UBR4: variants seen among roughly 807,000 people sequenced by gnomAD.
UBR4 encodes the protein E3 ubiquitin-protein ligase UBR4.
Under a neutral mutation model 575.6 loss-of-function variants are expected in UBR4, and 124 were observed. The observed-to-expected ratio is 0.22, with a 90% CI of 0.19 to 0.25. The LOEUF is 0.25. Among genes scored for constraint, UBR4 ranks in the 10% least tolerant of loss-of-function variants. The pLI, the probability that UBR4 is intolerant of heterozygous loss-of-function variation, is 1.00. For synonymous variants in UBR4, 2,455 were observed against 2,473.7 expected (o/e 0.99, Z 0.22); for missense variants, 4,818 against 6,478.8 (o/e 0.74, Z 8.80).
chr1:19,087,764 A>G, intron 99 of UBR4, 52 bp downstream of exon 99: 3 of 1,480,988 alleles, frequency 2.0e-6, no homozygotes, highest in East Asian at 4.7e-5. Flanking sequence ...GCTACCTAGA[A>G]CAAGGGGTCA....
chr1:19,161,206 G>A, intron 37 of UBR4, 59 bp from the exon 38 acceptor site: 5 of 1,501,290 alleles, frequency 3.3e-6, no homozygotes, highest in Middle Eastern at 1.7e-4. Flanking sequence ...AGGAAATACT[G>A]CCTGAGATCT....
rs2091380250 is a variant in UBR4 at position 19,184,971 on chromosome 1, C to T, written c.1938+128G>A. The T allele has an allele frequency of 2.6e-6, 3 of 1,173,924 alleles. No individual in the cohort carries two copies. In the South Asian group the frequency reaches 4.3e-5, roughly 17 times the overall value. 72.7% of individuals were successfully genotyped at this position (1,173,924 alleles called of 1,614,324 possible). A position where few individuals can be genotyped will look rare whatever the true frequency, so the allele number is the denominator to read the frequency against. On this transcript the variant is annotated intron_variant, in intron 15 of 105. Coordinates refer to ENST00000375254, the MANE Select transcript of UBR4 (RefSeq NM_020765.3). Reference sequence around the variant, plus strand: ...TGACACATAATCAAGACATATAAGTCCTAAGCAAAAATATCTTTAAACATT... The same window carrying T: ...TGACACATAATCAAGACATATAAGTTCTAAGCAAAAATATCTTTAAACATT...
rs776476313 is a variant in UBR4 at position 19,099,586 on chromosome 1, C to T, written c.13302+11G>A. 3 of 1,611,678 alleles carry T rather than the reference C, an allele frequency of 1.9e-6. No individual in the cohort carries two copies. The highest frequency in any genetic ancestry group is 2.2e-5 in the East Asian group (1 of 44,862). On this transcript the variant is annotated intron_variant, in intron 90 of 105. Transcript: ENST00000375254. ...GAAACCACACCTCCAAACGAGAAAGCAGGCACATACCTCATTCGTGGTACA... is the reference window on the plus strand; with the variant it reads ...GAAACCACACCTCCAAACGAGAAAGTAGGCACATACCTCATTCGTGGTACA...
Position 19,110,005 on chromosome 1 carries a change from C to T in UBR4, c.12105+91G>A, listed in dbSNP as rs2079662164. 4 of 1,579,216 alleles carry T rather than the reference C, an allele frequency of 2.5e-6. No individual in the cohort carries two copies. The highest frequency in any genetic ancestry group is 2.6e-6 in the Non-Finnish European group (3 of 1,159,688). On this transcript the variant is annotated intron_variant, in intron 81 of 105. Coordinates refer to ENST00000375254, the MANE Select transcript of UBR4 (RefSeq NM_020765.3). This position sits in a 1 kb window ranked among gnomAD's most constrained non-coding sequence, Gnocchi z 4.5. ...CAGGGGAGGTGGGCTCAAGGCAAAG[C>T]GGAGACCATGAGGAGGCAGGGCACA...
chr1:19,116,086 A>T (rs2080494174), intron 73 of UBR4, among the ~76,000 whole-genome samples: 5 of 152,242 alleles, frequency 3.3e-5, no homozygotes, highest in Non-Finnish European at 7.3e-5. Flanking sequence ...ATAAAGAGGA[A>T]GGTATGTAAT....
chr1:19,116,286 T>C (rs2080516751), intron 73 of UBR4, among the ~76,000 whole-genome samples: 1 of 152,236 alleles, frequency 6.6e-6, no homozygotes, highest in Non-Finnish European at 1.5e-5. Flanking sequence ...CACAGAGCTA[T>C]GTAGCAGAGC....
intron 52 of UBR4, 37 bp downstream of exon 52, chr1:19,146,789 C>T: frequency 6.3e-7 from 1 of 1,588,212 alleles, no homozygotes; most frequent in Non-Finnish European, 8.6e-7. Flanking sequence ...GCATATGAAG[C>T]AGATCTCAGG....
chr1:19,170,881 G>A lies in UBR4; in HGVS notation c.3524C>T (p.Ala1175Val), dbSNP rs2089425266. ...LIDTYASFTR[A>V]YLLQNFNEEG... ...TTCATTAAAGTTTTGCAGCAAATAG[G>A]CTCTGGGGAAAAAACAGGGGGAAAG... Residue 1175 changes from alanine to valine, a missense_variant and splice_region_variant, in exon 26 of 106, where the codon GCC becomes GTC. Physicochemically the swap from Ala to Val is moderately conservative, Grantham distance 64 (BLOSUM62 0). Transcript: ENST00000375254. 1 of 1,613,954 alleles carries A rather than the reference G, an allele frequency of 6.2e-7. No homozygotes were observed. The highest frequency in any genetic ancestry group is 1.1e-5 in the South Asian group (1 of 91,076).
chr1:19,192,688 G>A (rs906897142), intron 9 of UBR4, 148 bp from the exon 10 acceptor site: 3 of 821,556 alleles, frequency 3.7e-6, no homozygotes, highest in African/African-American at 3.4e-5. Context: ...ACCTTCACAT[G>A]GAGCTGACTC....
At chr1:19,098,904 T>C (rs994407819) in intron 90 of UBR4, among the ~76,000 whole-genome samples, 3 of 150,452 alleles carry the variant, frequency 2.0e-5, no homozygotes, top group African/African-American at 2.5e-5. Flanking sequence ...CTCCTCCCAA[T>C]AGAAACAAGA....
intron 66 of UBR4, 150 bp downstream of exon 66, chr1:19,122,682 AG>A: frequency 1.2e-6 from 1 of 839,628 alleles, no homozygotes; most frequent in Middle Eastern, 3.4e-4. Context: ...GCACCCAGAC[AG>A]GGGTTATGGA....
rs2084792207 is a variant in UBR4 at position 19,145,903 on chromosome 1, T to G, written c.7835A>C (p.Lys2612Thr). 1 of 1,614,190 alleles carries G rather than the reference T, an allele frequency of 6.2e-7. No homozygotes were observed. The change falls in exon 53 of 106, where the codon AAG becomes ACG. Residue 2612 changes from lysine to threonine, a missense_variant. Lys to Thr is a moderately conservative substitution (Grantham distance 78). Around this residue, in one of 29 missense-constraint regions of UBR4, gnomAD observed 340 missense variants for 375.4 expected, o/e 0.91. Coordinates refer to ENST00000375254, the MANE Select transcript of UBR4 (RefSeq NM_020765.3). ...ACTACAGCAATCTCCTTCCAACTGCTTCTGCGGTTCCTTCCCTTCATCCAT... is the reference window on the plus strand; with the variant it reads ...ACTACAGCAATCTCCTTCCAACTGCGTCTGCGGTTCCTTCCCTTCATCCAT... ...EGMDEGKEPQ[K>T]QLEGDCCSFI...
Position 19,112,158 on chromosome 1 carries a change from C to G in UBR4, c.11801+366G>C, listed in dbSNP as rs553543896. 150 of 220,174 alleles carry G rather than the reference C, an allele frequency of 6.8e-4. 2 individuals carry two copies. Among genetic ancestry groups the G allele is most frequent in the Admixed American group, 7.7e-4 (14 of 18,170 alleles). The allele number at this position is 220,174 out of a possible 1,614,324, so 13.6% of individuals were successfully genotyped here. On this transcript the variant is annotated intron_variant, in intron 78 of 105. Coordinates refer to ENST00000375254, the MANE Select transcript of UBR4 (RefSeq NM_020765.3). ...TATCAGATACTGAAACTGAGCCTTT[C>G]CAATCCAGAGTCCAAGCTCTTAATC... is the stretch of plus-strand genomic sequence containing the variant.
At chr1:19,194,479 TTCTG>T (rs1184105206) in intron 8 of UBR4, among the ~76,000 whole-genome samples, 3 of 152,064 alleles carry the variant, frequency 2.0e-5, no homozygotes, top group African/African-American at 7.2e-5. Flanking sequence ...AACACTAAGA[TTCTG>T]TCTCTTTTTA....
rs142907721 is a variant in UBR4 at position 19,204,527 on chromosome 1, TAA to T, written c.177-2714_177-2713del. Among the ~76,000 whole-genome samples the T allele has an allele frequency of 3.4e-5, 5 of 145,470 alleles. No homozygotes were observed. In the East Asian group the frequency reaches 5.9e-4, roughly 17 times the overall value. Reference sequence around the variant, plus strand: ...ATACCCATTCTGATAATGAAATATATAAAAAAAAATATATATATATATAGGAG... The same window carrying T: ...ATACCCATTCTGATAATGAAATATATAAAAAAATATATATATATATAGGAG... On this transcript the variant is annotated intron_variant, in intron 1 of 105. Coordinates refer to ENST00000375254, the MANE Select transcript of UBR4 (RefSeq NM_020765.3).
At chr1:19,114,199 T>G in intron 75 of UBR4, 129 bp from the exon 76 acceptor site, 1 of 1,202,426 alleles carries the variant, frequency 8.3e-7, no homozygotes, top group Non-Finnish European at 1.1e-6. Flanking sequence ...ACATTATCTC[T>G]GTTCTTCACA....
Position 19,164,949 on chromosome 1 carries a change from G to A in UBR4, c.4361C>T (p.Ala1454Val). The change falls in exon 32 of 106, where the codon GCA becomes GTA. Residue 1454 changes from alanine to valine, a missense_variant. This residue lies in a region of UBR4 where 1,172 missense variants were observed against 1,259.7 expected (regional missense o/e 0.93). Transcript: ENST00000375254. ...CACAGGTTCCACACAGGCCAGTTGT[G>A]CCAGGGAGCCACAGAGATGCAACAG... The part of the protein sequence containing the change: ...PSLLHLCGSL[A>V]QLACVEPVRL... The A allele has an allele frequency of 6.2e-7, 1 of 1,614,152 alleles. No individual in the cohort carries two copies. The highest frequency in any genetic ancestry group is 8.5e-7 in the Non-Finnish European group (1 of 1,180,018).
intron 1 of UBR4, among the ~76,000 whole-genome samples, chr1:19,209,493 C>G (rs919237158): frequency 1.3e-5 from 2 of 152,214 alleles, no homozygotes; most frequent in Admixed American, 6.5e-5. Context: ...AACACACACA[C>G]CACACATCCT....
At chr1:19,141,549 G>A (rs773312640) in intron 56 of UBR4, 25 bp from the exon 57 acceptor site, 1 of 1,598,086 alleles carries the variant, frequency 6.3e-7, no homozygotes, top group Non-Finnish European at 8.5e-7. Flanking sequence ...CTCTGTCAGT[G>A]TCCCATGGTA....
Sources: gnomAD v4.1 joint callset for allele counts (sites outside exome capture counted in the v4.1 genomes callset) on GRCh38, gnomAD v4.1.1 for gene constraint, gnomAD v4.1.1 regional missense constraint, Gnocchi (gnomAD v3.1) non-coding constraint, MANE v1.5 for transcripts, NCBI Gene and HGNC (gene_info 2026-07-23, HGNC 2026-07-21) for gene names.